Variants in PATL2 observed in about 807,000 individuals in gnomAD.
PATL2 encodes protein PAT1 homolog 2.
Under a neutral mutation model 77.0 loss-of-function variants are expected in PATL2, and 73 were observed. The ratio of observed to expected loss-of-function variants is 0.95; its 90% CI spans 0.78 to 1.15. The LOEUF is 1.15. Among genes scored for constraint, PATL2 ranks in the 50% most tolerant of loss-of-function variants. PATL2 has a pLI of 0.00. For missense variants in PATL2, 618 were observed against 655.4 expected (o/e 0.94, Z 0.62); for synonymous variants, 265 against 257.1 (o/e 1.03, Z -0.29).
Position 44,669,495 on chromosome 15 carries a change from G to A in PATL2, c.930+15C>T, listed in dbSNP as rs1196351039. The A allele has an allele frequency of 6.4e-7, 1 of 1,550,864 alleles. No individual in the cohort carries two copies. ...GGTAGGTTTGGAACTCGTCCCTAAG[G>A]AACTGATATCTCACCTTCTCAATCC... On this transcript the variant is annotated intron_variant, in intron 12 of 17. Transcript: ENST00000682850.
Position 44,693,978 on chromosome 15 carries a change from C to T in PATL2, c.-76+16118G>A, listed in dbSNP as rs550963902. Among the ~76,000 whole-genome samples, 3 of 152,300 alleles carry T rather than the reference C, an allele frequency of 2.0e-5. No individual in the cohort carries two copies. In the South Asian group the frequency reaches 6.2e-4, roughly 32 times the overall value. On this transcript the variant is annotated intron_variant, in intron 3 of 17. Coordinates refer to ENST00000682850, the MANE Select transcript of PATL2 (RefSeq NM_001387263.1). The stretch of plus-strand genomic sequence containing the variant: ...TCATCCTCCCATGGTGCTGGGATTA[C>T]AGGCATGATCCACCACACCCAGCCT...
chr15:44,670,677 G>T (rs981015731), intron 9 of PATL2, among the ~76,000 whole-genome samples: 3 of 152,216 alleles, frequency 2.0e-5, no homozygotes, highest in Non-Finnish European at 4.4e-5. Context: ...AAAGGTCAGA[G>T]AGCAAAGTGG....
intron 5 of PATL2, 70 bp from the exon 6 acceptor site, chr15:44,674,300 T>C (rs1000335992): frequency 2.0e-5 from 24 of 1,216,556 alleles, no homozygotes; most frequent in Non-Finnish European, 2.5e-5. Context: ...CACCTGTGTT[T>C]TTGAGGTGGT....
In PATL2 at chr15:44,665,967, C is replaced by A; in HGVS notation, c.1618G>T (p.Ala540Ser). ...GAACAAACAGATCAGTAAATCCAGGCAAACCTATAAAGAGAACAGATATTA... is the reference window on the plus strand; with the variant it reads ...GAACAAACAGATCAGTAAATCCAGGAAAACCTATAAAGAGAACAGATATTA... ...VQQLEARMEF[A>S]WIY The change falls in exon 18 of 18, where the codon GCC (alanine) becomes TCC (serine). Residue 540 changes from alanine (A) to serine (S), a missense_variant. Physicochemically the swap from Ala to Ser is moderately conservative, Grantham distance 99. Transcript: ENST00000682850. The A allele has an allele frequency of 6.5e-7, 1 of 1,542,802 alleles. No homozygotes were observed. Among genetic ancestry groups the A allele is most frequent in the Non-Finnish European group, 8.7e-7 (1 of 1,144,478 alleles).
chr15:44,686,918 C>G (rs990663215), intron 3 of PATL2, among the ~76,000 whole-genome samples: 2 of 151,978 alleles, frequency 1.3e-5, no homozygotes, highest in African/African-American at 4.8e-5. Context: ...AATTAATAGC[C>G]TACTAATCAA....
chr15:44,690,376 T>C (rs2141245034), intron 3 of PATL2, among the ~76,000 whole-genome samples: 1 of 152,100 alleles, frequency 6.6e-6, no homozygotes, highest in African/African-American at 2.4e-5. Context: ...TCTCACTGTG[T>C]TGCCAAGGCT....
intron 3 of PATL2, among the ~76,000 whole-genome samples, chr15:44,708,686 A>G (rs1039387419): frequency 6.6e-6 from 1 of 152,184 alleles, no homozygotes; most frequent in Admixed American, 6.5e-5. Context: ...ATATACTCCA[A>G]TGGGTTTATT....
In PATL2 at chr15:44,666,406, C is replaced by T. The variant is rs1228977740; in HGVS notation, c.1599G>A (p.Leu533=). The T allele has an allele frequency of 6.4e-7, 1 of 1,551,708 alleles. No individual in the cohort carries two copies. The highest frequency in any genetic ancestry group is 8.7e-7 in the Non-Finnish European group (1 of 1,146,994). The change falls in exon 17 of 18, where the codon CTG becomes CTA. Residue 533 remains leucine (L), a synonymous_variant. Transcript: ENST00000682850. ...CCATTACTTACTCCATCCTGGCCTC[C>T]AGCTGCTGAACCAATTGTTTGTCCA... is the stretch of plus-strand genomic sequence containing the variant. ...HHVDKQLVQQ[L]EARMEFAWIY
intron 15 of PATL2, 98 bp downstream of exon 15, chr15:44,668,244 A>G (rs1004404150): frequency 9.6e-6 from 13 of 1,359,106 alleles, no homozygotes; most frequent in Non-Finnish European, 1.2e-5. Flanking sequence ...TGCAGAGGAT[A>G]AGATTTGTGT....
At chr15:44,684,778 C>G (rs1261812875) in intron 3 of PATL2, among the ~76,000 whole-genome samples, 1 of 151,990 alleles carries the variant, frequency 6.6e-6, no homozygotes, top group African/African-American at 2.4e-5. Context: ...GAAGAGCAAC[C>G]CCAAGACACA....
chr15:44,711,346 G>A (rs968102773), upstream of PATL2: 11 of 674,128 alleles, frequency 1.6e-5, no homozygotes, highest in African/African-American at 1.8e-4. Flanking sequence ...TCTAGTGCAT[G>A]CCTTCTTAAA....
At chr15:44,707,905 C>T (rs2086774009) in intron 3 of PATL2, among the ~76,000 whole-genome samples, 1 of 152,192 alleles carries the variant, frequency 6.6e-6, no homozygotes, top group Admixed American at 6.5e-5. Context: ...ACTCAGGTTC[C>T]CACTGCTGGG....
intron 3 of PATL2, among the ~76,000 whole-genome samples, chr15:44,697,775 C>G (rs1429754295): frequency 1.3e-5 from 2 of 152,134 alleles, no homozygotes; most frequent in Admixed American, 6.5e-5. Flanking sequence ...GATTTGAATC[C>G]CAGCTCAGTG....
intron 3 of PATL2, among the ~76,000 whole-genome samples, chr15:44,703,111 T>C (rs1323929153): frequency 6.6e-6 from 1 of 151,950 alleles, no homozygotes; most frequent in Admixed American, 6.6e-5. Context: ...CCATCTGTAC[T>C]AAAAATACAA....
intron 3 of PATL2, among the ~76,000 whole-genome samples, chr15:44,704,680 T>G (rs1006149981): frequency 2.6e-5 from 4 of 152,238 alleles, no homozygotes; most frequent in African/African-American, 9.6e-5. Context: ...GTTTTTTTTC[T>G]GTGTACTTCC....
chr15:44,707,593 G>C (rs540642031), intron 3 of PATL2, among the ~76,000 whole-genome samples: 5 of 152,222 alleles, frequency 3.3e-5, no homozygotes, highest in African/African-American at 1.2e-4. Context: ...CAGCTGAGCT[G>C]GTATCCAATG....
At position 44,669,474 on chromosome 15, in the gene PATL2, G is replaced by C. The variant is rs368676751; in HGVS notation, c.930+36C>G. On this transcript the variant is annotated intron_variant, in intron 12 of 17. Coordinates refer to ENST00000682850, the MANE Select transcript of PATL2 (RefSeq NM_001387263.1). ...GGGTAATATCTCATTCTCAAAGGTAGGTTTGGAACTCGTCCCTAAGGAACT... is the reference window on the plus strand; with the variant it reads ...GGGTAATATCTCATTCTCAAAGGTACGTTTGGAACTCGTCCCTAAGGAACT... 1.3e-5 allele frequency: 20 copies of C among 1,549,204 alleles called. No homozygotes were observed. In the African/African-American group the frequency reaches 1.5e-4, roughly 12 times the overall value.
chr15:44,681,519 A>G (rs115787405), intron 3 of PATL2, among the ~76,000 whole-genome samples: 1,538 of 151,880 alleles, frequency 0.01, 31 homozygotes, highest in African/African-American at 0.036. Flanking sequence ...TCTTCTTCCC[A>G]TCCTTTGAAT....
chr15:44,691,673 A>C (rs949961569), intron 3 of PATL2, among the ~76,000 whole-genome samples: 1 of 151,734 alleles, frequency 6.6e-6, no homozygotes, highest in African/African-American at 2.4e-5. Flanking sequence ...AAAAAAAAAA[A>C]AATTAAATTA....
Sources: allele counts gnomAD v4.1 joint callset (sites outside exome capture counted in the v4.1 genomes callset), GRCh38; gene constraint gnomAD v4.1.1; transcripts MANE v1.5; gene names NCBI Gene and HGNC (gene_info 2026-07-23, HGNC 2026-07-21).